The following DNMT1 variants were observed in gnomAD, a reference collection of about 807,000 sequenced individuals.
The protein encoded by DNMT1 is DNA (cytosine-5)-methyltransferase 1.
A neutral mutation model predicts 205.3 loss-of-function variants in DNMT1; 24 were observed. That is an observed-to-expected ratio of 0.12 (90% confidence interval 0.08 to 0.16). DNMT1 has a LOEUF of 0.16. Among genes scored for constraint, DNMT1 ranks in the 10% least tolerant of loss-of-function variants. DNMT1 has a pLI of 1.00. For synonymous variants in DNMT1, 817 were observed against 839.8 expected (o/e 0.97, Z 0.47); for missense variants, 1,293 against 2,177.7 (o/e 0.59, Z 8.09).
Position 10,194,917 on chromosome 19 carries a change from A to ACGCGGCGGCGGCAGCGCAGG in DNMT1, c.-38_-19dup, listed in dbSNP as rs1346702702. ...GCCGGCATCTCGGAGGCTTCAGCAGACGCGGCGGCGGCAGCGCAGGCGCCC... is the reference window on the plus strand; with the variant it reads ...GCCGGCATCTCGGAGGCTTCAGCAGACGCGGCGGCGGCAGCGCAGGCGCGGCGGCGGCAGCGCAGGCGCCC... On this transcript the variant is annotated 5_prime_UTR_variant, in exon 1 of 41. Coordinates refer to ENST00000359526, the MANE Select transcript of DNMT1 (RefSeq NM_001130823.3). The ACGCGGCGGCGGCAGCGCAGG allele has an allele frequency of 1.3e-6, 2 of 1,599,904 alleles. No individual in the cohort carries two copies. Among genetic ancestry groups the ACGCGGCGGCGGCAGCGCAGG allele is most frequent in the African/African-American group, 1.3e-5 (1 of 74,444 alleles).
At chr19:10,185,371 G>A (rs2039158205) in intron 1 of DNMT1, among the ~76,000 whole-genome samples, 1 of 149,890 alleles carries the variant, frequency 6.7e-6, no homozygotes, top group African/African-American at 2.5e-5. Context: ...CTTGCAGTGA[G>A]CCAAGATCAT....
intron 9 of DNMT1, among the ~76,000 whole-genome samples, chr19:10,168,849 T>C (rs1388772878): frequency 1.3e-5 from 2 of 152,200 alleles, no homozygotes; most frequent in Non-Finnish European, 2.9e-5. Context: ...TTCATTTATT[T>C]ATTTATGAGA....
chr19:10,182,609 T>C (rs138805721), intron 1 of DNMT1, among the ~76,000 whole-genome samples: 2 of 151,174 alleles, frequency 1.3e-5, no homozygotes, highest in African/African-American at 4.9e-5. Flanking sequence ...TATATATGTA[T>C]GTATATATGT....
chr19:10,159,970 G>C lies in DNMT1; in HGVS notation c.1089+48C>G, dbSNP rs1161513639. 4 of 1,614,172 alleles carry C rather than the reference G, an allele frequency of 2.5e-6. No homozygotes were observed. Among genetic ancestry groups the C allele is most frequent in the Non-Finnish European group, 2.5e-6 (3 of 1,180,030 alleles). ...GATGGCACTCAGAGAGCAGCTCCCA[G>C]CCGCCTCGTGAGCGCCGCCACCGGC... On this transcript the variant is annotated intron_variant, in intron 15 of 40. Coordinates refer to ENST00000359526, the MANE Select transcript of DNMT1 (RefSeq NM_001130823.3). This position sits in a 1 kb window ranked among gnomAD's most constrained non-coding sequence, Gnocchi z 5.0.
chr19:10,141,409 T>C (rs2089598287), intron 30 of DNMT1: 1 of 564,348 alleles, frequency 1.8e-6, no homozygotes, highest in Admixed American at 2.8e-5. Context: ...CTGAAATGCC[T>C]ATTACAAGCA....
At chr19:10,135,442 G>A (rs762428769) in intron 39 of DNMT1, 8 of 468,984 alleles carry the variant, frequency 1.7e-5, no homozygotes, top group Admixed American at 1.3e-4. Flanking sequence ...AACCTACAGC[G>A]AGTGAGCTGT....
At chr19:10,188,966 G>A (rs796667901) in intron 1 of DNMT1, among the ~76,000 whole-genome samples, 21 of 152,156 alleles carry the variant, frequency 1.4e-4, no homozygotes, top group Non-Finnish European at 2.4e-4. Flanking sequence ...CCCCAGAAAG[G>A]AATGCAGCCT....
intron 29 of DNMT1, among the ~76,000 whole-genome samples, chr19:10,142,529 A>T (rs1313416466): frequency 6.7e-6 from 1 of 149,214 alleles, no homozygotes; most frequent in East Asian, 2.0e-4. Context: ...CCCTCCCAGT[A>T]AGGGAATCAC....
intron 38 of DNMT1, 73 bp from the exon 39 acceptor site, chr19:10,135,925 A>G: frequency 6.6e-7 from 1 of 1,511,608 alleles, no homozygotes; most frequent in Non-Finnish European, 8.9e-7. Flanking sequence ...AGGGAGGGAA[A>G]TGGCACTGTG....
Position 10,140,837 on chromosome 19 carries a change from C to CGCAGCTTGG in DNMT1, c.3458_3466dup (p.Pro1153_Leu1155dup), listed in dbSNP as rs1449036579. The stretch of plus-strand genomic sequence containing the variant: ...GCAGCCAGAAAACACATCCAGGGTC[C>CGCAGCTTGG]GCAGCTTGGGCAGCTTGATCTCTAT... On this transcript the variant is annotated inframe_insertion, in exon 32 of 41. Coordinates refer to ENST00000359526, the MANE Select transcript of DNMT1 (RefSeq NM_001130823.3). The surrounding 1 kb of genome is among the most constrained non-coding windows in gnomAD (Gnocchi z 8.4). 4 of 1,614,164 alleles carry CGCAGCTTGG rather than the reference C, an allele frequency of 2.5e-6. No individual in the cohort carries two copies. In the Admixed American group the frequency reaches 5.0e-5, roughly 20 times the overall value.
At chr19:10,175,950 C>T (rs940131119) in intron 6 of DNMT1, among the ~76,000 whole-genome samples, 1 of 152,114 alleles carries the variant, frequency 6.6e-6, no homozygotes, top group Admixed American at 6.6e-5. Context: ...TGAGGATCAC[C>T]TGAGTTCAGG....
chr19:10,151,641 T>A lies in DNMT1; in HGVS notation c.2118-96A>T, dbSNP rs2038344728. 9.3e-6 allele frequency: 15 copies of A among 1,608,712 alleles called. No homozygotes were observed. In the South Asian group the frequency reaches 1.6e-4, roughly 18 times the overall value. ...CAGGGACAGGTCCTGAGACAATGCC[T>A]AACGAAGGAATCCTGGTGCTGTCCC... is the stretch of plus-strand genomic sequence containing the variant. On this transcript the variant is annotated intron_variant, in intron 23 of 40. Transcript: ENST00000359526. The surrounding 1 kb of genome is among the most constrained non-coding windows in gnomAD (Gnocchi z 5.0).
intron 39 of DNMT1, among the ~76,000 whole-genome samples, 199 bp from the exon 40 acceptor site, chr19:10,134,506 G>A (rs186454513): frequency 7.9e-5 from 12 of 152,294 alleles, no homozygotes; most frequent in Admixed American, 5.2e-4. Context: ...CCATCATCCC[G>A]CCCCACAGCC....
intron 1 of DNMT1, among the ~76,000 whole-genome samples, chr19:10,194,253 G>A (rs1450263741): frequency 6.6e-6 from 1 of 152,212 alleles, no homozygotes; most frequent in African/African-American, 2.4e-5. Context: ...CCCACGGAAG[G>A]CTGGGCTCTC....
At chr19:10,173,786 C>T in intron 8 of DNMT1, 85 bp downstream of exon 8, 1 of 1,494,012 alleles carries the variant, frequency 6.7e-7, no homozygotes, top group Non-Finnish European at 9.3e-7. Flanking sequence ...GTCACCGTGC[C>T]CGGCCTTAAA....
Position 10,159,310 on chromosome 19 carries a change from A to G in DNMT1, c.1280+348T>C, listed in dbSNP as rs1003386808. Among the ~76,000 whole-genome samples, 1 of 152,092 alleles carries G rather than the reference A, an allele frequency of 6.6e-6. No homozygotes were observed. The highest frequency in any genetic ancestry group is 1.9e-4 in the East Asian group (1 of 5,192). On this transcript the variant is annotated intron_variant, in intron 17 of 40. Transcript: ENST00000359526. This position sits in a 1 kb window ranked among gnomAD's most constrained non-coding sequence, Gnocchi z 5.0. ...GGCTCACTGCAGCCTCCGCCTCCAG[A>G]GTTCAAGAAATTCTCCTGCCTAAGC...
In DNMT1 at chr19:10,146,393, A is replaced by C; in HGVS notation, c.2852T>G (p.Val951Gly). 6.2e-7 allele frequency: 1 copy of C among 1,613,120 alleles called. No homozygotes were observed. The highest frequency in any genetic ancestry group is 8.5e-7 in the Non-Finnish European group (1 of 1,179,818). ...AGGGGGCAGGTACACACCATCACCA[A>C]CTCGGTACAGGATGCCGTTCTTGGT... ...SATKNGILYR[V>G]GDGVYLPPEA... is the part of the protein sequence containing the mutation. Residue 951 changes from valine to glycine, a missense_variant, in exon 28 of 41, where the codon GTT becomes GGT. Transcript: ENST00000359526. The surrounding 1 kb of genome is among the most constrained non-coding windows in gnomAD (Gnocchi z 4.4).
intron 1 of DNMT1, among the ~76,000 whole-genome samples, chr19:10,188,244 C>T (rs1272719732): frequency 2.0e-5 from 3 of 152,106 alleles, no homozygotes; most frequent in African/African-American, 4.8e-5. Flanking sequence ...CCGCAGTAGG[C>T]AAAAGAGTAG....
Position 10,149,342 on chromosome 19 carries a change from CA to C in DNMT1, c.2586+110del, listed in dbSNP as rs906604867. 696 of 1,039,754 alleles carry C rather than the reference CA, an allele frequency of 6.7e-4. 1 individual carries two copies. Among genetic ancestry groups the C allele is most frequent in the Non-Finnish European group, 7.5e-4 (548 of 730,990 alleles). 64.4% of individuals were successfully genotyped at this position (1,039,754 alleles called of 1,614,324 possible). A position where few individuals can be genotyped will look rare whatever the true frequency, so the allele number is the denominator to read the frequency against. On this transcript the variant is annotated intron_variant, in intron 26 of 40. Transcript: ENST00000359526. Reference sequence around the variant, plus strand: ...CTCAGTCTCAAAACAAAAAAAAAAACAAAAAAAAAACCAAATTAAAAAAAAA... The same window carrying C: ...CTCAGTCTCAAAACAAAAAAAAAAACAAAAAAAAACCAAATTAAAAAAAAA...
Sources: gnomAD v4.1 joint callset for allele counts (sites outside exome capture counted in the v4.1 genomes callset) on GRCh38, gnomAD v4.1.1 for gene constraint, Gnocchi (gnomAD v3.1) non-coding constraint, MANE v1.5 for transcripts, NCBI Gene and HGNC (gene_info 2026-07-23, HGNC 2026-07-21) for gene names.